Variants in NCKIPSD observed in about 807,000 individuals in gnomAD.
NCKIPSD encodes the protein NCK interacting protein with SH3 domain.
NCKIPSD carries 48 observed loss-of-function variants against 73.4 expected under a neutral mutation model. That is an observed-to-expected ratio of 0.65 (90% confidence interval 0.52 to 0.83). The LOEUF (loss-of-function observed/expected upper bound fraction) is 0.83. Among genes scored for constraint, NCKIPSD ranks in the 40% least tolerant of loss-of-function variants. NCKIPSD has a pLI of 0.00. For synonymous variants in NCKIPSD, 422 were observed against 403.6 expected (o/e 1.05, Z -0.54); for missense variants, 884 against 970.2 (o/e 0.91, Z 1.18).
intron 1 of NCKIPSD, 38 bp from the exon 2 acceptor site, chr3:48,683,050 C>G (rs1479591714): frequency 6.5e-7 from 1 of 1,546,048 alleles, no homozygotes; most frequent in Admixed American, 2.0e-5. Flanking sequence ...ACCTGAAGGC[C>G]AAACGGAGGT....
intron 1 of NCKIPSD, 111 bp downstream of exon 1, chr3:48,685,526 G>A (rs1357186837): frequency 9.4e-5 from 124 of 1,316,698 alleles, no homozygotes; most frequent in Non-Finnish European, 1.2e-4. Context: ...GTCTGATAGA[G>A]GTCCTGGCCT....
chr3:48,685,228 A>ATT (rs2077419009), intron 1 of NCKIPSD, among the ~76,000 whole-genome samples: 1 of 33,808 alleles, frequency 3.0e-5, no homozygotes, highest in Non-Finnish European at 6.6e-5. Context: ...GGAGGGAGGG[A>ATT]GGTTGGTTGT....
Position 48,685,890 on chromosome 3 carries a change from G to C in NCKIPSD, c.-83C>G, listed in dbSNP as rs572922060. Reference sequence around the variant, plus strand: ...GGCCGGGAGCGCCGAGCCGCGCCGCGGTTGTCCCGCCCCGTGACACACTAC... The same window carrying C: ...GGCCGGGAGCGCCGAGCCGCGCCGCCGTTGTCCCGCCCCGTGACACACTAC... On this transcript the variant is annotated 5_prime_UTR_variant, in exon 1 of 13. Coordinates refer to ENST00000294129, the MANE Select transcript of NCKIPSD (RefSeq NM_016453.4). 3.9e-6 allele frequency: 5 copies of C among 1,280,466 alleles called. No homozygotes were observed. The highest frequency in any genetic ancestry group is 3.1e-5 in the African/African-American group (2 of 63,502). 79.3% of individuals were successfully genotyped at this position (1,280,466 alleles called of 1,614,324 possible). A position where few individuals can be genotyped will look rare whatever the true frequency, so the allele number is the denominator to read the frequency against.
chr3:48,684,502 T>C (rs1313634510), intron 1 of NCKIPSD, among the ~76,000 whole-genome samples: 1 of 152,220 alleles, frequency 6.6e-6, no homozygotes, highest in East Asian at 1.9e-4. Context: ...AGGAAGCCCC[T>C]AGGCCCCCAG....
intron 12 of NCKIPSD, among the ~76,000 whole-genome samples, chr3:48,677,155 G>T (rs188309670): frequency 1.3e-5 from 2 of 151,108 alleles, no homozygotes; most frequent in African/African-American, 4.8e-5. Context: ...TTGGGAGGCT[G>T]AGGCAGGTGG....
chr3:48,679,887 T>C lies in NCKIPSD; in HGVS notation c.1264A>G (p.Thr422Ala). Residue 422 changes from threonine to alanine, a missense_variant and splice_region_variant, in exon 7 of 13, where the codon ACT becomes GCT. Transcript: ENST00000294129. ...TTGCAAACTTCAGGGTCTGCATCAG[T>C]CTACAGAAATGAGGAAGTGAGAGCA... is the stretch of plus-strand genomic sequence containing the variant. ...CYLEELLHIL[T>A]DADPEVCKKM... 1 of 1,614,136 alleles carries C rather than the reference T, an allele frequency of 6.2e-7. No homozygotes were observed. The highest frequency in any genetic ancestry group is 8.5e-7 in the Non-Finnish European group (1 of 1,180,016).
Position 48,674,021 on chromosome 3 carries a change from A to C in NCKIPSD, c.*523T>G, listed in dbSNP as rs2077214041. The C allele has an allele frequency of 2.8e-6, 3 of 1,071,584 alleles. No individual in the cohort carries two copies. The African/African-American group carries it at 4.9e-5, about 18-fold the overall frequency. The allele number at this position is 1,071,584 out of a possible 1,614,324, so 66.4% of individuals were successfully genotyped here. On this transcript the variant is annotated 3_prime_UTR_variant, in exon 13 of 13. Coordinates refer to ENST00000294129, the MANE Select transcript of NCKIPSD (RefSeq NM_016453.4). ...GGCCTGTCTCCAAGATCCCGCTTTC[A>C]AAGCAGCAGCTTGGCCAAGGCCTCT... is the stretch of plus-strand genomic sequence containing the variant.
At chr3:48,684,468 A>C (rs1015832141) in intron 1 of NCKIPSD, among the ~76,000 whole-genome samples, 1 of 152,198 alleles carries the variant, frequency 6.6e-6, no homozygotes, top group African/African-American at 2.4e-5. Context: ...GCACTCCTAG[A>C]TGGGATCACG....
intron 12 of NCKIPSD, among the ~76,000 whole-genome samples, chr3:48,676,486 T>C (rs1273822670): frequency 6.6e-6 from 1 of 152,168 alleles, no homozygotes; most frequent in East Asian, 1.9e-4. Flanking sequence ...CATTTTTGTT[T>C]TTGTTTTTTA....
intron 1 of NCKIPSD, among the ~76,000 whole-genome samples, chr3:48,683,382 G>A (rs2077386719): frequency 6.6e-6 from 1 of 152,194 alleles, no homozygotes; most frequent in African/African-American, 2.4e-5. Flanking sequence ...TTGGCTCAGA[G>A]CCCAGGTTGA....
In NCKIPSD at chr3:48,681,570, G is replaced by T; in HGVS notation, c.809C>A (p.Pro270His). Residue 270 changes from proline (P) to histidine (H), a missense_variant, in exon 5 of 13, where the codon CCC becomes CAC. By Grantham distance (77) the Pro-to-His change is moderately conservative. Transcript: ENST00000294129. ...PPPSKASAPE[P>H]PAEEEVATGT... ...AGTTGCCACTTCTTCTTCTGCAGGG[G>T]GTTCAGGTGCTGATGCCTTGGAGGG... is the stretch of plus-strand genomic sequence containing the variant. 6.2e-7 allele frequency: 1 copy of T among 1,614,044 alleles called. No individual in the cohort carries two copies. Among genetic ancestry groups the T allele is most frequent in the African/African-American group, 1.3e-5 (1 of 75,034 alleles).
rs1015863803 is a variant in NCKIPSD at position 48,682,286 on chromosome 3, G to C, written c.486+62C>G. On this transcript the variant is annotated intron_variant, in intron 3 of 12. Transcript: ENST00000294129. ...CATCACTCCTGAGTGGACCCCTTGA[G>C]CCTCTGGATGAAGCCTCAAGTTCCA... is the stretch of plus-strand genomic sequence containing the variant. 17 of 1,600,202 alleles carry C rather than the reference G, an allele frequency of 1.1e-5. No individual in the cohort carries two copies. The African/African-American group carries it at 2.3e-4, about 21-fold the overall frequency.
chr3:48,683,005 T>G lies in NCKIPSD; in HGVS notation c.179A>C (p.Glu60Ala). The change falls in exon 2 of 13, where the codon GAG becomes GCG. Residue 60 changes from glutamate (E) to alanine (A), a missense_variant. Coordinates refer to ENST00000294129, the MANE Select transcript of NCKIPSD (RefSeq NM_016453.4). ...PAYLRRLQGLEQDVLQAIDRA... is the reference protein window; with the variant it reads ...PAYLRRLQGLAQDVLQAIDRA... ...GTCAATGGCCTGGAGGACATCCTGC[T>G]CCAGGCCCTGGGGGGGGCAGGGGAC... The G allele has an allele frequency of 6.5e-7, 1 of 1,549,606 alleles. No individual in the cohort carries two copies. Among genetic ancestry groups the G allele is most frequent in the South Asian group, 1.2e-5 (1 of 84,022 alleles).
At chr3:48,681,188 A>C in intron 5 of NCKIPSD, 99 bp downstream of exon 5, 10 of 1,469,352 alleles carry the variant, frequency 6.8e-6, no homozygotes, top group Non-Finnish European at 8.1e-6. Context: ...GCTCAGAGCC[A>C]GAGCTTGAGA....
chr3:48,675,495 C>CTATATATATATATCATATA (rs1164546457), intron 12 of NCKIPSD, among the ~76,000 whole-genome samples: 10 of 128,006 alleles, frequency 7.8e-5, no homozygotes, highest in African/African-American at 1.6e-4. Context: ...CCCTTATGAT[C>CTATATATATATATCATATA]TATATATATA....
intron 12 of NCKIPSD, among the ~76,000 whole-genome samples, chr3:48,678,143 C>T (rs1017486889): frequency 6.6e-6 from 1 of 152,206 alleles, no homozygotes; most frequent in African/African-American, 2.4e-5. Context: ...GCCACTGCCA[C>T]TGCCACGACC....
At chr3:48,675,004 C>G (rs1049620382) in intron 12 of NCKIPSD, among the ~76,000 whole-genome samples, 1 of 152,188 alleles carries the variant, frequency 6.6e-6, no homozygotes, top group African/African-American at 2.4e-5. Flanking sequence ...TCCTTTGAAG[C>G]TGGGTCTCTC....
Position 48,678,660 on chromosome 3 carries a change from G to A in NCKIPSD, c.1869C>T (p.Gly623=), listed in dbSNP as rs371711887. 1.0e-4 allele frequency: 168 copies of A among 1,614,116 alleles called. No homozygotes were observed. The highest frequency in any genetic ancestry group is 1.4e-4 in the Non-Finnish European group (163 of 1,180,036). The change falls in exon 12 of 13, where the codon GGC becomes GGT. Residue 623 remains glycine, a synonymous_variant. Transcript: ENST00000294129. ...SVLKFLQDVF[G]SPATAAIFYH... is the part of the protein sequence containing the mutation. ...AGAAGATGGCAGCTGTGGCCGGGCT[G>A]CCAAACACGTCCTGCAGGAACTTGA...
chr3:48,676,594 C>T (rs2106744352), intron 12 of NCKIPSD, among the ~76,000 whole-genome samples: 1 of 152,326 alleles, frequency 6.6e-6, no homozygotes, highest in Admixed American at 6.5e-5. Context: ...AATCTTCCCA[C>T]TTCAGCCTCC....
Sources: allele counts gnomAD v4.1 joint callset (sites outside exome capture counted in the v4.1 genomes callset), GRCh38; gene constraint gnomAD v4.1.1; transcripts MANE v1.5; gene names NCBI Gene and HGNC (gene_info 2026-07-23, HGNC 2026-07-21).